The following IMMP2L variants were observed in gnomAD, a reference collection of about 807,000 sequenced individuals.
The protein encoded by IMMP2L is mitochondrial inner membrane protease subunit 2.
IMMP2L carries 18 observed loss-of-function variants against 19.3 expected under a neutral mutation model. The ratio of observed to expected loss-of-function variants is 0.93; its 90% CI spans 0.64 to 1.38. The LOEUF (loss-of-function observed/expected upper bound fraction) is 1.38, where lower values mean the gene tolerates loss of function less well. Among genes scored for constraint, IMMP2L ranks in the 40% most tolerant of loss-of-function variants. IMMP2L has a pLI of 0.00. For missense variants in IMMP2L, 233 were observed against 218.2 expected (o/e 1.07, Z -0.43); for synonymous variants, 76 against 73.0 (o/e 1.04, Z -0.21).
At chr7:111,162,959 A>G (rs1805431183) in intron 3 of IMMP2L, among the ~76,000 whole-genome samples, 1 of 152,016 alleles carries the variant, frequency 6.6e-6, no homozygotes, top group African/African-American at 2.4e-5. Context: ...AAAGCTCAAC[A>G]CTGCCAGGAG....
At chr7:111,188,242 C>T (rs1380843321) in intron 3 of IMMP2L, among the ~76,000 whole-genome samples, 1 of 152,124 alleles carries the variant, frequency 6.6e-6, no homozygotes, top group African/African-American at 2.4e-5. Context: ...ATTCATGGTG[C>T]TCCTGTCTTA....
intron 3 of IMMP2L, among the ~76,000 whole-genome samples, chr7:111,219,159 T>C (rs540436357): frequency 4.9e-4 from 75 of 152,202 alleles, no homozygotes; most frequent in Non-Finnish European, 9.6e-4. Context: ...TCACAAGTTA[T>C]TTTTACATGG....
intron 3 of IMMP2L, among the ~76,000 whole-genome samples, chr7:111,175,485 T>A (rs1034698): frequency 6.6e-6 from 1 of 151,618 alleles, no homozygotes. Context: ...CAAAAATACA[T>A]ATTCCATTAG....
At chr7:110,964,417 G>T (rs931647588) in intron 3 of IMMP2L, among the ~76,000 whole-genome samples, 13 of 151,952 alleles carry the variant, frequency 8.6e-5, no homozygotes, top group Admixed American at 5.3e-4. Context: ...AAGAATTAGA[G>T]AATTCTTTGA....
At position 111,122,516 on chromosome 7, in the gene IMMP2L, C is replaced by T. The variant is rs1800771901; in HGVS notation, c.240-158951G>A. On this transcript the variant is annotated intron_variant, in intron 3 of 5. Transcript: ENST00000405709. ...AATCTCCTATGACCATCTATACATACTCCACCTTCAAAAAGTACATCAATA... is the reference window on the plus strand; with the variant it reads ...AATCTCCTATGACCATCTATACATATTCCACCTTCAAAAAGTACATCAATA... 3 of 444,496 alleles carry T rather than the reference C, an allele frequency of 6.7e-6. No homozygotes were observed. In the South Asian group the frequency reaches 1.1e-4, roughly 17 times the overall value. 27.5% of individuals were successfully genotyped at this position (444,496 alleles called of 1,614,324 possible). A position where few individuals can be genotyped will look rare whatever the true frequency, so the allele number is the denominator to read the frequency against.
At chr7:110,906,425 C>T (rs992446875) in intron 4 of IMMP2L, among the ~76,000 whole-genome samples, 14 of 152,112 alleles carry the variant, frequency 9.2e-5, no homozygotes, top group African/African-American at 3.4e-4. Context: ...GTGAAGAATC[C>T]ATTTAAGACA....
At chr7:111,359,296 T>TTTTG (rs139881053) in intron 3 of IMMP2L, among the ~76,000 whole-genome samples, 1 of 151,788 alleles carries the variant, frequency 6.6e-6, no homozygotes, top group Non-Finnish European at 1.5e-5. Context: ...TTCTCCAGGT[T>TTTTG]TTTGTTTGTT....
At chr7:111,155,734 CT>C (rs1804575007) in intron 3 of IMMP2L, among the ~76,000 whole-genome samples, 1 of 151,766 alleles carries the variant, frequency 6.6e-6, no homozygotes, top group African/African-American at 2.4e-5. Flanking sequence ...ATAATATATA[CT>C]TTTAAAAACT....
intron 3 of IMMP2L, among the ~76,000 whole-genome samples, chr7:111,410,531 TAGAGAC>T (rs1270608371): frequency 6.7e-6 from 1 of 149,562 alleles, no homozygotes; most frequent in Non-Finnish European, 1.5e-5. Flanking sequence ...AAAAAAAAAT[TAGAGAC>T]AGACAAATAA....
At chr7:111,040,830 T>C (rs896555134) in intron 3 of IMMP2L, among the ~76,000 whole-genome samples, 2 of 151,374 alleles carry the variant, frequency 1.3e-5, no homozygotes, top group African/African-American at 4.8e-5. Flanking sequence ...AACTGATGCA[T>C]AACAAAAGAT....
intron 5 of IMMP2L, among the ~76,000 whole-genome samples, chr7:110,835,727 T>C (rs2131407974): frequency 6.6e-6 from 1 of 152,250 alleles, no homozygotes. Context: ...GATCTTTGCA[T>C]ATATGACACT....
chr7:110,998,009 T>A (rs923036211), intron 3 of IMMP2L, among the ~76,000 whole-genome samples: 5 of 152,148 alleles, frequency 3.3e-5, no homozygotes, highest in African/African-American at 1.2e-4. Flanking sequence ...CATATCTGCA[T>A]ACGGTTTATG....
chr7:111,167,988 T>C lies in IMMP2L; in HGVS notation c.240-204423A>G, dbSNP rs552682146. On this transcript the variant is annotated intron_variant, in intron 3 of 5. Coordinates refer to ENST00000405709, the MANE Select transcript of IMMP2L (RefSeq NM_032549.4). ...GTTGTTTTGTTGTTGGTGTTGTTTT[T>C]ACACTTGAAAGAAACTTAGAGATTT... Among the ~76,000 whole-genome samples, 5 of 152,132 alleles carry C rather than the reference T, an allele frequency of 3.3e-5. No individual in the cohort carries two copies. The East Asian group carries it at 5.8e-4, about 18-fold the overall frequency.
chr7:111,129,343 G>A (rs214861), intron 3 of IMMP2L, among the ~76,000 whole-genome samples: 13,223 of 151,480 alleles, frequency 0.087, 1,307 homozygotes, highest in African/African-American at 0.24. Flanking sequence ...TTTTCCTCAA[G>A]TTTCCCACGA....
chr7:111,295,985 TAAAAA>T (rs3052106), intron 3 of IMMP2L, among the ~76,000 whole-genome samples: 2,144 of 136,306 alleles, frequency 0.016, 36 homozygotes, highest in Admixed American at 0.058. Context: ...GAAAGAATGT[TAAAAA>T]AAAAAAAAAA....
At chr7:110,871,865 T>A (rs943028965) in intron 5 of IMMP2L, among the ~76,000 whole-genome samples, 1 of 152,162 alleles carries the variant, frequency 6.6e-6, no homozygotes, top group Non-Finnish European at 1.5e-5. Flanking sequence ...CCTCAGAATT[T>A]AGTAGCACAG....
At chr7:111,487,843 G>T (rs1187044987) in intron 2 of IMMP2L, among the ~76,000 whole-genome samples, 1 of 152,140 alleles carries the variant, frequency 6.6e-6, no homozygotes, top group Non-Finnish European at 1.5e-5. Flanking sequence ...AAAATGTATG[G>T]ATTTCCCACT....
chr7:111,466,509 C>A (rs1840681047), intron 3 of IMMP2L, among the ~76,000 whole-genome samples: 2 of 152,078 alleles, frequency 1.3e-5, no homozygotes, highest in African/African-American at 4.8e-5. Context: ...CTTGGCTTAG[C>A]AGAAATATAC....
At chr7:111,190,379 T>C (rs899404603) in intron 3 of IMMP2L, among the ~76,000 whole-genome samples, 1 of 152,142 alleles carries the variant, frequency 6.6e-6, no homozygotes, top group African/African-American at 2.4e-5. Flanking sequence ...GCTAAATGTA[T>C]ATTACAGAGC....
Sources: gnomAD v4.1 joint callset for allele counts (sites outside exome capture counted in the v4.1 genomes callset) on GRCh38, gnomAD v4.1.1 for gene constraint, MANE v1.5 for transcripts, NCBI Gene and HGNC (gene_info 2026-07-23, HGNC 2026-07-21) for gene names.